The following ADAMDEC1 variants were observed in gnomAD, a reference collection of about 807,000 sequenced individuals.
ADAMDEC1 encodes ADAM like decysin 1.
In ADAMDEC1, 62 loss-of-function variants were observed where a neutral mutation model predicts 60.4. The ratio of observed to expected loss-of-function variants is 1.03; its 90% CI spans 0.84 to 1.27. The LOEUF (loss-of-function observed/expected upper bound fraction) is 1.27. ADAMDEC1 is among the 50% of genes most tolerant of loss of function. The pLI is 0.00. For missense variants in ADAMDEC1, 595 were observed against 565.0 expected (o/e 1.05, Z -0.54); for synonymous variants, 210 against 195.1 (o/e 1.08, Z -0.64).
In ADAMDEC1 at chr8:24,405,857, T is replaced by A. The variant is rs1381218832; in HGVS notation, c.*559T>A. 1 of 152,480 alleles carries A rather than the reference T, an allele frequency of 6.6e-6. No homozygotes were observed. The highest frequency in any genetic ancestry group is 1.5e-5 in the Non-Finnish European group (1 of 68,266). 9.4% of individuals were successfully genotyped at this position (152,480 alleles called of 1,614,324 possible). ...AAGAATGATTCAATGTAAATATTTT[T>A]CATTTTATCATGTATATCCTATACA... On this transcript the variant is annotated 3_prime_UTR_variant, in exon 14 of 14. Transcript: ENST00000256412.
At position 24,396,385 on chromosome 8, in the gene ADAMDEC1, G is replaced by A. The variant is rs543001033; in HGVS notation, c.440+589G>A. ...AAAATAGCCGAGTGTGGTGGCTGGC[G>A]CCTGTAGTCCCAGCTACTCCGGAGG... On this transcript the variant is annotated intron_variant, in intron 5 of 13. Transcript: ENST00000256412. Among the ~76,000 whole-genome samples, 29 of 152,080 alleles carry A rather than the reference G, an allele frequency of 1.9e-4. 1 individual carries two copies. The highest frequency in any genetic ancestry group is 1.8e-3 in the Admixed American group (27 of 15,262).
Position 24,400,304 on chromosome 8 carries a change from A to G in ADAMDEC1, c.1142+4A>G. The G allele has an allele frequency of 6.3e-7, 1 of 1,587,488 alleles. No homozygotes were observed. The highest frequency in any genetic ancestry group is 8.5e-7 in the Non-Finnish European group (1 of 1,171,340). On this transcript the variant is annotated splice_donor_region_variant and intron_variant, in intron 11 of 13. Transcript: ENST00000256412. ...GTGTGATGAATCAGTATCTGAGGTG[A>G]GACCTTGTCATCCTAAAAGGAGAGA...
Position 24,399,385 on chromosome 8 carries a change from T to C in ADAMDEC1, c.930-8T>C. 5 of 1,613,196 alleles carry C rather than the reference T, an allele frequency of 3.1e-6. No homozygotes were observed. Among genetic ancestry groups the C allele is most frequent in the Non-Finnish European group, 4.2e-6 (5 of 1,179,220 alleles). ...TTGTGACAGTAGTATCTGTAACTTTTCATACAGCGGGATTAGCTTCAACAA... is the reference window on the plus strand; with the variant it reads ...TTGTGACAGTAGTATCTGTAACTTTCCATACAGCGGGATTAGCTTCAACAA... On this transcript the variant is annotated splice_polypyrimidine_tract_variant and splice_region_variant and intron_variant, in intron 9 of 13. Transcript: ENST00000256412.
Position 24,390,580 on chromosome 8 carries a change from TGTG to T in ADAMDEC1, c.89-1676_89-1674del, listed in dbSNP as rs374827368. On this transcript the variant is annotated intron_variant, in intron 1 of 13. Transcript: ENST00000256412. ...ACTAAAAATACAAAAATTAGCCAGG[TGTG>T]GTGGTACGCAACTGTAATCCCAGCT... Among the ~76,000 whole-genome samples, 75 of 151,970 alleles carry T rather than the reference TGTG, an allele frequency of 4.9e-4. 2 individuals carry two copies. In the East Asian group the frequency reaches 0.014, roughly 28 times the overall value.
chr8:24,396,319 G>A (rs1817609981), intron 5 of ADAMDEC1, among the ~76,000 whole-genome samples: 1 of 152,048 alleles, frequency 6.6e-6, no homozygotes, highest in Non-Finnish European at 1.5e-5. Flanking sequence ...GACCATCCTG[G>A]CTAACACGGT....
At chr8:24,384,619 C>G in intron 1 of ADAMDEC1, 27 bp downstream of exon 1, 3 of 1,568,606 alleles carry the variant, frequency 1.9e-6, no homozygotes, top group Non-Finnish European at 2.6e-6. Flanking sequence ...CAGCATTTTA[C>G]ATAAAAGTCA....
At chr8:24,402,613 CT>C (rs1563358138) in intron 12 of ADAMDEC1, among the ~76,000 whole-genome samples, 1 of 152,080 alleles carries the variant, frequency 6.6e-6, no homozygotes, top group Non-Finnish European at 1.5e-5. Context: ...ATAAATTAGA[CT>C]CCTTCAAGGC....
At position 24,390,314 on chromosome 8, in the gene ADAMDEC1, T is replaced by C. The variant is rs183563825; in HGVS notation, c.89-1948T>C. 1.1e-5 allele frequency: 6 copies of C among 570,652 alleles called. No homozygotes were observed. The African/African-American group carries it at 1.2e-4, about 11-fold the overall frequency. The allele number at this position is 570,652 out of a possible 1,614,324, so 35.3% of individuals were successfully genotyped here. A position where few individuals can be genotyped will look rare whatever the true frequency, so the allele number is the denominator to read the frequency against. On this transcript the variant is annotated intron_variant, in intron 1 of 13. Transcript: ENST00000256412. The stretch of plus-strand genomic sequence containing the variant: ...ATGTAGTGATTTGAGACATCATAGT[T>C]AAAATAAGAGTATAATATTGACCCA...
chr8:24,387,205 C>G (rs534742429), intron 1 of ADAMDEC1: 1 of 152,162 alleles, frequency 6.6e-6, no homozygotes, highest in Non-Finnish European at 1.5e-5. Flanking sequence ...GTCAAGAGCT[C>G]CCTTCTAATT....
intron 7 of ADAMDEC1, 92 bp from the exon 8 acceptor site, chr8:24,398,388 A>T: frequency 1.3e-6 from 1 of 756,694 alleles, no homozygotes; most frequent in Non-Finnish European, 2.2e-6. Flanking sequence ...AGTGAAATTC[A>T]TAATTTTTCT....
chr8:24,401,782 T>C, intron 11 of ADAMDEC1, 133 bp from the exon 12 acceptor site: 5 of 782,910 alleles, frequency 6.4e-6, no homozygotes, highest in South Asian at 2.1e-5. Context: ...GGTTGCCAAA[T>C]TTGGAATTTC....
At position 24,385,573 on chromosome 8, in the gene ADAMDEC1, G is replaced by C. The variant is rs574736103; in HGVS notation, c.88+981G>C. 1.2e-3 allele frequency among the ~76,000 whole-genome samples: 176 copies of C among 152,190 alleles called. 2 individuals are homozygous for C. Among genetic ancestry groups the C allele is most frequent in the Non-Finnish European group, 1.8e-3 (124 of 67,998 alleles). ...GTAATTTGCATAATGATTTAGTAAG[G>C]ATGTCTCTGGAACTGTATTTCTTAT... is the stretch of plus-strand genomic sequence containing the variant. On this transcript the variant is annotated intron_variant, in intron 1 of 13. Transcript: ENST00000256412.
rs199884776 is a variant in ADAMDEC1 at position 24,394,081 on chromosome 8, G to C, written c.297G>C (p.Gly99=). ...LSLQKTKHLL[G]PDYTETLYSP... is the part of the protein sequence containing the mutation. ...CTGCTCTCTACAGGCACCTCCTGGG[G>C]CCAGACTACACTGAAACATTGTACT... Residue 99 remains glycine, a synonymous_variant, in exon 4 of 14, where the codon GGG becomes GGC. Coordinates refer to ENST00000256412, the MANE Select transcript of ADAMDEC1 (RefSeq NM_014479.3). 6.2e-7 allele frequency: 1 copy of C among 1,613,040 alleles called. No homozygotes were observed. The highest frequency in any genetic ancestry group is 1.7e-5 in the Admixed American group (1 of 59,990).
At chr8:24,401,154 G>A (rs900105711) in intron 11 of ADAMDEC1, among the ~76,000 whole-genome samples, 1 of 152,056 alleles carries the variant, frequency 6.6e-6, no homozygotes, top group African/African-American at 2.4e-5. Flanking sequence ...CAAGGGTTGT[G>A]TATCCCATTA....
rs1293892706 is a variant in ADAMDEC1, at chr8:24,392,359, G to A, written c.186G>A (p.Gln62=). The change falls in exon 2 of 14, where the codon CAG becomes CAA. Residue 62 remains glutamine (Q), a synonymous_variant. Transcript: ENST00000256412. ...ILHKREIKNN[Q]TEKHGKEERY... ...ACAAAAGAGAGATCAAGAACAACCAGACAGAAAAGCATGGCAAAGAGGTAA... is the reference window on the plus strand; with the variant it reads ...ACAAAAGAGAGATCAAGAACAACCAAACAGAAAAGCATGGCAAAGAGGTAA... The A allele has an allele frequency of 6.2e-7, 1 of 1,610,736 alleles. No homozygotes were observed. Among genetic ancestry groups the A allele is most frequent in the Admixed American group, 1.7e-5 (1 of 59,696 alleles).
chr8:24,401,886 ATAT>A, intron 11 of ADAMDEC1, 26 bp from the exon 12 acceptor site: 1 of 1,560,572 alleles, frequency 6.4e-7, no homozygotes, highest in Non-Finnish European at 8.7e-7. Flanking sequence ...ACTGTATATC[ATAT>A]TATTTGAGTT....
intron 13 of ADAMDEC1, 32 bp downstream of exon 13, chr8:24,404,120 G>C (rs761352886): frequency 6.3e-7 from 1 of 1,587,224 alleles, no homozygotes; most frequent in Non-Finnish European, 8.6e-7. Flanking sequence ...GTTCCAAAAC[G>C]TTTTCTCACG....
chr8:24,400,857 A>T (rs539718124), intron 11 of ADAMDEC1, among the ~76,000 whole-genome samples: 2 of 137,984 alleles, frequency 1.4e-5, no homozygotes, highest in African/African-American at 2.7e-5. Flanking sequence ...TCATTGTTCA[A>T]TTCCCACCTA....
In ADAMDEC1 at chr8:24,405,184, T is replaced by C. The variant is rs879701523; in HGVS notation, c.1407-108T>C. ...GGTATAGTCTCTTAAATAATATGAATTGTTATTCACATAATTTAAATTCTA... is the reference window on the plus strand; with the variant it reads ...GGTATAGTCTCTTAAATAATATGAACTGTTATTCACATAATTTAAATTCTA... On this transcript the variant is annotated intron_variant, in intron 13 of 13. Coordinates refer to ENST00000256412, the MANE Select transcript of ADAMDEC1 (RefSeq NM_014479.3). 3.0e-5 allele frequency: 34 copies of C among 1,148,994 alleles called. No homozygotes were observed. In the Admixed American group the frequency reaches 6.7e-4, roughly 23 times the overall value. 71.2% of individuals were successfully genotyped at this position (1,148,994 alleles called of 1,614,324 possible).
Sources: gnomAD v4.1 joint callset for allele counts (sites outside exome capture counted in the v4.1 genomes callset) on GRCh38, gnomAD v4.1.1 for gene constraint, MANE v1.5 for transcripts, NCBI Gene and HGNC (gene_info 2026-07-23, HGNC 2026-07-21) for gene names.